GPR84: variants seen among roughly 807,000 people sequenced by gnomAD.
The protein encoded by GPR84 is G-protein coupled receptor 84.
A neutral mutation model predicts 14.9 loss-of-function variants in GPR84; 8 were observed. That is an observed-to-expected ratio of 0.54 (90% CI 0.31 to 0.97). GPR84 has a LOEUF of 0.97. GPR84 is among the 50% of genes least tolerant of loss of function. GPR84 has a pLI of 0.04. For synonymous variants in GPR84, 164 were observed against 198.1 expected (o/e 0.83, Z 1.45); for missense variants, 424 against 498.7 (o/e 0.85, Z 1.43).
chr12:54,364,362 G>A (rs1360270309), intron 1 of GPR84, 31 bp downstream of exon 1: 1 of 152,472 alleles, frequency 6.6e-6, no homozygotes, highest in Non-Finnish European at 1.5e-5. Context: ...GACCAAGAAG[G>A]TAAAAGTATA....
the GPR84 span, among the ~76,000 whole-genome samples, chr12:54,355,571 T>C: frequency 6.6e-6 from 1 of 151,890 alleles, no homozygotes; most frequent in African/African-American, 2.4e-5. Context: ...ATGTCCAGGA[T>C]CTGTAGAATG....
downstream of GPR84, among the ~76,000 whole-genome samples, chr12:54,360,214 C>T (rs946616293): frequency 6.6e-6 from 1 of 152,100 alleles, no homozygotes; most frequent in African/African-American, 2.4e-5. Context: ...ACTAGGCATT[C>T]GGCCTTGGAC....
downstream of GPR84, among the ~76,000 whole-genome samples, chr12:54,360,255 T>G (rs1341224335): frequency 1.3e-5 from 2 of 151,898 alleles, no homozygotes; most frequent in East Asian, 3.8e-4. Context: ...GCTTCAGTTT[T>G]CACATTTGTA....
At chr12:54,358,318 A>G (rs958667113), downstream of GPR84, among the ~76,000 whole-genome samples, 17 of 152,182 alleles carry the variant, frequency 1.1e-4, no homozygotes, top group African/African-American at 3.6e-4. Context: ...GCAGACGCCA[A>G]TGGGTCTTCA....
At position 54,362,691 on chromosome 12, in the gene GPR84, T is replaced by C. The variant is rs145459866; in HGVS notation, c.1161A>G (p.Arg387=). 5 of 1,611,116 alleles carry C rather than the reference T, an allele frequency of 3.1e-6. No homozygotes were observed. The highest frequency in any genetic ancestry group is 4.2e-6 in the Non-Finnish European group (5 of 1,177,846). The part of the protein sequence containing the change: ...FRQAYGSILK[R]GPRSFHRLH ...GGAGCCTATGGAAACTCCGGGGCCCTCTTTTTAAAATGGAGCCATATGCTT... is the reference window on the plus strand; with the variant it reads ...GGAGCCTATGGAAACTCCGGGGCCCCCTTTTTAAAATGGAGCCATATGCTT... Residue 387 remains arginine, a synonymous_variant, in exon 2 of 2, where the codon AGA becomes AGG. Transcript: ENST00000267015. The surrounding 1 kb of genome is among the most constrained non-coding windows in gnomAD (Gnocchi z 4.0).
chr12:54,364,445 C>G lies in GPR84; in HGVS notation c.-61G>C, dbSNP rs1954309043. The G allele has an allele frequency of 6.6e-6, 1 of 152,242 alleles. No individual in the cohort carries two copies. 9.4% of individuals were successfully genotyped at this position (152,242 alleles called of 1,614,324 possible). On this transcript the variant is annotated 5_prime_UTR_variant, in exon 1 of 2. Coordinates refer to ENST00000267015, the MANE Select transcript of GPR84 (RefSeq NM_020370.3). ...TATAATGGAAGAAGTTCAACTCACCCAAAGAGCAGTCCTTTCTGGTGGACA... is the reference window on the plus strand; with the variant it reads ...TATAATGGAAGAAGTTCAACTCACCGAAAGAGCAGTCCTTTCTGGTGGACA...
Position 54,363,760 on chromosome 12 carries a change from GCCA to G in GPR84, c.89_91del (p.Val30del). 3.1e-6 allele frequency: 5 copies of G among 1,613,910 alleles called. No individual in the cohort carries two copies. Among genetic ancestry groups the G allele is most frequent in the South Asian group, 2.2e-5 (2 of 91,074 alleles). ...CACATTGCCCACGGTGCCTGTCACA[GCCA>G]CCACCACCCCCCAGCTAACTGCAAC... On this transcript the variant is annotated inframe_deletion, in exon 2 of 2. Transcript: ENST00000267015.
the GPR84 span, among the ~76,000 whole-genome samples, chr12:54,353,184 G>C: frequency 6.6e-6 from 1 of 152,110 alleles, no homozygotes; most frequent in East Asian, 1.9e-4. Flanking sequence ...TTTTTTTTCA[G>C]GGCTATGAGT....
downstream of GPR84, chr12:54,362,437 C>G: frequency 2.1e-6 from 1 of 487,726 alleles, no homozygotes; most frequent in Non-Finnish European, 3.7e-6. The surrounding 1 kb of genome is among the most constrained non-coding windows in gnomAD (Gnocchi z 4.0). Flanking sequence ...AGAGACCACA[C>G]CTGAGCATTA....
downstream of GPR84, among the ~76,000 whole-genome samples, chr12:54,359,120 G>A (rs1206632073): frequency 6.6e-6 from 1 of 151,978 alleles, no homozygotes; most frequent in Admixed American, 6.6e-5. Flanking sequence ...GCGGGGGAGA[G>A]GAGGAGGGAC....
downstream of GPR84, among the ~76,000 whole-genome samples, chr12:54,357,778 T>C (rs1272747214): frequency 6.6e-6 from 1 of 152,170 alleles, no homozygotes; most frequent in Non-Finnish European, 1.5e-5. Context: ...TCTCCCCTAT[T>C]CCTCAGCAAC....
At chr12:54,356,370 A>T in the GPR84 span, among the ~76,000 whole-genome samples, 2 of 152,276 alleles carry the variant, frequency 1.3e-5, no homozygotes, top group East Asian at 3.9e-4. Context: ...CTTTACAGTA[A>T]ATACACTATT....
chr12:54,361,185 C>A (rs1241526276), downstream of GPR84, among the ~76,000 whole-genome samples: 1 of 148,094 alleles, frequency 6.8e-6, no homozygotes, highest in Non-Finnish European at 1.5e-5. This position sits in a 1 kb window ranked among gnomAD's most constrained non-coding sequence, Gnocchi z 4.3. Context: ...TTTTTCTTTT[C>A]TTTTTTTTTT....
downstream of GPR84, among the ~76,000 whole-genome samples, chr12:54,360,469 T>C (rs1458419528): frequency 6.6e-6 from 1 of 152,084 alleles, no homozygotes; most frequent in Non-Finnish European, 1.5e-5. Context: ...ACTGAAACCT[T>C]TGTCTCTACA....
the GPR84 span, among the ~76,000 whole-genome samples, chr12:54,355,091 GAAAC>G: frequency 1.4e-4 from 21 of 152,118 alleles, no homozygotes; most frequent in Admixed American, 1.4e-3. Flanking sequence ...AAGATGGAAA[GAAAC>G]AAAATGAGAG....
chr12:54,358,653 T>A (rs556967380), downstream of GPR84, among the ~76,000 whole-genome samples: 1 of 152,072 alleles, frequency 6.6e-6, no homozygotes, highest in Admixed American at 6.6e-5. Flanking sequence ...ATTTGAAAAG[T>A]CCCTCTCTCG....
Position 54,362,829 on chromosome 12 carries a change from C to G in GPR84, c.1023G>C (p.Leu341=). 1 of 1,614,196 alleles carries G rather than the reference C, an allele frequency of 6.2e-7. No individual in the cohort carries two copies. The highest frequency in any genetic ancestry group is 8.5e-7 in the Non-Finnish European group (1 of 1,180,030). The part of the protein sequence containing the change: ...SYIPFLLLNI[L]DARVQAPRVV... ...CCCGGGGAGCCTGGACTCTGGCATC[C>G]AGAATGTTGAGCAGCAAGAAGGGGA... is the stretch of plus-strand genomic sequence containing the variant. Residue 341 remains leucine, a synonymous_variant, in exon 2 of 2, where the codon CTG becomes CTC. Transcript: ENST00000267015. This position sits in a 1 kb window ranked among gnomAD's most constrained non-coding sequence, Gnocchi z 4.0.
chr12:54,362,112 G>T (rs1393246563), downstream of GPR84, among the ~76,000 whole-genome samples: 1 of 152,242 alleles, frequency 6.6e-6, no homozygotes. The surrounding 1 kb of genome is among the most constrained non-coding windows in gnomAD (Gnocchi z 4.0). Context: ...GCAGTGGTTA[G>T]GGGCAGAGGC....
chr12:54,362,774 A>G lies in GPR84; in HGVS notation c.1078T>C (p.Trp360Arg), dbSNP rs754479158. 9 of 1,614,174 alleles carry G rather than the reference A, an allele frequency of 5.6e-6. No individual in the cohort carries two copies. Residue 360 changes from tryptophan to arginine, a missense_variant, in exon 2 of 2, where the codon TGG becomes CGG. Physicochemically the swap from Trp to Arg is moderately radical, Grantham distance 101. Transcript: ENST00000267015. This position sits in a 1 kb window ranked among gnomAD's most constrained non-coding sequence, Gnocchi z 4.0. ...VVHMLAANLT[W>R]LNGCINPVLY... Reference sequence around the variant, plus strand: ...ACAGGGTTGATGCAACCATTGAGCCAGGTGAGGTTGGCAGCAAGCATGTGG... The same window carrying G: ...ACAGGGTTGATGCAACCATTGAGCCGGGTGAGGTTGGCAGCAAGCATGTGG...
Sources: gnomAD v4.1 joint callset for allele counts (sites outside exome capture counted in the v4.1 genomes callset) on GRCh38, gnomAD v4.1.1 for gene constraint, Gnocchi (gnomAD v3.1) non-coding constraint, MANE v1.5 for transcripts, NCBI Gene and HGNC (gene_info 2026-07-23, HGNC 2026-07-21) for gene names.